GIT2: variants seen among roughly 807,000 people sequenced by gnomAD.
The protein encoded by GIT2 is GIT ArfGAP 2.
A neutral mutation model predicts 100.3 loss-of-function variants in GIT2; 32 were observed. That is an observed-to-expected ratio of 0.32 (90% CI 0.24 to 0.43). The LOEUF is 0.43. Ranked by LOEUF, GIT2 falls within the 20% of genes least tolerant of loss-of-function variation. The pLI is 1.00. For missense variants in GIT2, 737 were observed against 975.1 expected (o/e 0.76, Z 3.25); for synonymous variants, 353 against 364.1 (o/e 0.97, Z 0.35).
At chr12:109,986,412 A>G (rs1367330511) in intron 4 of GIT2, among the ~76,000 whole-genome samples, 3 of 152,158 alleles carry the variant, frequency 2.0e-5, no homozygotes, top group Non-Finnish European at 4.4e-5. Flanking sequence ...CAGGCGGATC[A>G]TGAGGTTAGG....
chr12:109,973,753 AAT>A (rs1317288699), intron 7 of GIT2, among the ~76,000 whole-genome samples: 1 of 151,356 alleles, frequency 6.6e-6, no homozygotes, highest in African/African-American at 2.4e-5. Context: ...TTATATTAAT[AAT>A]TTGAGGCTAG....
At position 109,934,154 on chromosome 12, in the gene GIT2, C is replaced by A; in HGVS notation, c.2004-69G>T. On this transcript the variant is annotated intron_variant, in intron 18 of 19. Coordinates refer to ENST00000355312, the MANE Select transcript of GIT2 (RefSeq NM_057169.5). This position sits in a 1 kb window ranked among gnomAD's most constrained non-coding sequence, Gnocchi z 4.5. ...TTCGGAGGCAAAGAGGACTCAAGTG[C>A]TAGAACAGATTCTGTTTACATTCCC... 1 of 860,510 alleles carries A rather than the reference C, an allele frequency of 1.2e-6. No individual in the cohort carries two copies. The highest frequency in any genetic ancestry group is 2.0e-6 in the Non-Finnish European group (1 of 494,554). The allele number at this position is 860,510 out of a possible 1,614,324, so 53.3% of individuals were successfully genotyped here.
intron 15 of GIT2, among the ~76,000 whole-genome samples, chr12:109,946,718 C>T (rs746390518): frequency 6.6e-6 from 1 of 152,156 alleles, no homozygotes; most frequent in Non-Finnish European, 1.5e-5. Context: ...AGCAGGCACA[C>T]TGAGCACACA....
intron 6 of GIT2, chr12:109,982,564 C>G (rs936713842): frequency 4.0e-5 from 6 of 150,808 alleles, no homozygotes; most frequent in Admixed American, 3.3e-4. Context: ...AAATGATATT[C>G]AAGACTAACC....
At chr12:109,985,994 C>A (rs142819740) in intron 4 of GIT2, among the ~76,000 whole-genome samples, 1 of 151,674 alleles carries the variant, frequency 6.6e-6, no homozygotes, top group East Asian at 2.0e-4. Flanking sequence ...GATTGTGCCA[C>A]GACACTCCAG....
At position 109,945,284 on chromosome 12, in the gene GIT2, C is replaced by T; in HGVS notation, c.1707G>A (p.Trp569Ter). ...SLPSFPSTLS[W>*]SRDESARRAS... is the part of the protein sequence containing the mutation. The stretch of plus-strand genomic sequence containing the variant: ...CCCTTCGGGCGCTTTCGTCCCTCGA[C>T]CAGGAAAGTGTGGAGGGGAAGGAAG... Residue 569 changes from tryptophan (W) to a stop codon, truncating the protein, a stop_gained, in exon 16 of 20, where the codon TGG (tryptophan) becomes TGA (stop). Coordinates refer to ENST00000355312, the MANE Select transcript of GIT2 (RefSeq NM_057169.5). LOFTEE classifies it high-confidence loss of function. 1.3e-6 allele frequency: 2 copies of T among 1,576,162 alleles called. No individual in the cohort carries two copies. The highest frequency in any genetic ancestry group is 1.7e-6 in the Non-Finnish European group (2 of 1,145,724).
At chr12:109,967,559 A>G (rs1856512591) in intron 7 of GIT2, 56 bp from the exon 8 acceptor site, 1 of 1,109,594 alleles carries the variant, frequency 9.0e-7, no homozygotes. Context: ...AAGATCTGTA[A>G]AGGAACATCA....
intron 10 of GIT2, 59 bp from the exon 11 acceptor site, chr12:109,961,434 G>T: frequency 8.9e-7 from 1 of 1,129,704 alleles, no homozygotes; most frequent in Non-Finnish European, 1.4e-6. Flanking sequence ...ACTGCTCCTG[G>T]GAGGCACAGC....
upstream of GIT2, chr12:109,999,193 TACTGG>T: frequency 1.3e-5 from 2 of 153,112 alleles, no homozygotes; most frequent in East Asian, 3.9e-4. The surrounding 1 kb of genome is among the most constrained non-coding windows in gnomAD (Gnocchi z 4.3). Flanking sequence ...CACATGGGGC[TACTGG>T]AGCAGGGGGA....
At position 109,933,114 on chromosome 12, in the gene GIT2, T is replaced by A. The variant is rs758962325; in HGVS notation, c.2144A>T (p.Lys715Met). 8 of 1,611,826 alleles carry A rather than the reference T, an allele frequency of 5.0e-6. No homozygotes were observed. The highest frequency in any genetic ancestry group is 6.8e-6 in the Non-Finnish European group (8 of 1,178,632). The change falls in exon 20 of 20, where the codon AAG becomes ATG. Residue 715 changes from lysine to methionine, a missense_variant. By Grantham distance (95) the Lys-to-Met change is moderately conservative. This residue lies in a region of GIT2 where 451 missense variants were observed against 543.7 expected (regional missense o/e 0.83). Transcript: ENST00000355312. The surrounding 1 kb of genome is among the most constrained non-coding windows in gnomAD (Gnocchi z 4.5). ...SSAYRLQSEC[K>M]KTLPGDPGSP... ...GCCGGGGTCCCCTGGGAGGGTCTTC[T>A]TGCACTCTGACTGCAGTCGGTAGGC...
chr12:109,995,278 G>A (rs933789942), intron 1 of GIT2, among the ~76,000 whole-genome samples: 8 of 152,168 alleles, frequency 5.3e-5, no homozygotes, highest in African/African-American at 1.9e-4. Flanking sequence ...TCATTATGAA[G>A]GAATGGCTTT....
At chr12:109,953,500 G>A in intron 12 of GIT2, 1 of 334,312 alleles carries the variant, frequency 3.0e-6, no homozygotes, top group Non-Finnish European at 5.5e-6. Flanking sequence ...CAGGCCTGTA[G>A]TCCCAGCTAC....
chr12:109,973,420 C>A (rs952938751), intron 7 of GIT2, among the ~76,000 whole-genome samples: 1 of 152,058 alleles, frequency 6.6e-6, no homozygotes, highest in Non-Finnish European at 1.5e-5. Context: ...GGATTACAGG[C>A]ATGAGCCATC....
intron 9 of GIT2, among the ~76,000 whole-genome samples, chr12:109,963,630 C>T (rs935903510): frequency 1.3e-5 from 2 of 152,124 alleles, no homozygotes; most frequent in Admixed American, 6.5e-5. Flanking sequence ...TCAAGGAATA[C>T]ATTAGCCTTT....
rs1476128970 is a variant in GIT2 at position 109,951,243 on chromosome 12, G to C, written c.1316C>G (p.Ala439Gly). The change falls in exon 14 of 20, where the codon GCT becomes GGT. Residue 439 changes from alanine to glycine, a missense_variant. Ala to Gly is a moderately conservative substitution (Grantham distance 60). This residue lies in a region of GIT2 where 451 missense variants were observed against 543.7 expected (regional missense o/e 0.83). Coordinates refer to ENST00000355312, the MANE Select transcript of GIT2 (RefSeq NM_057169.5). Reference sequence around the variant, plus strand: ...TAGCTGCTGTATCTTGGCCTCAGAAGCCACTAGAGCGTTTTTGACCTCCAT... The same window carrying C: ...TAGCTGCTGTATCTTGGCCTCAGAACCCACTAGAGCGTTTTTGACCTCCAT... The part of the protein sequence containing the change: ...EFMEVKNALV[A>G]SEAKIQQLMK... 1 of 1,611,274 alleles carries C rather than the reference G, an allele frequency of 6.2e-7. No individual in the cohort carries two copies. Among genetic ancestry groups the C allele is most frequent in the Non-Finnish European group, 8.5e-7 (1 of 1,177,396 alleles).
chr12:109,974,612 T>A (rs1048712630), intron 7 of GIT2, among the ~76,000 whole-genome samples: 8 of 152,234 alleles, frequency 5.3e-5, no homozygotes, highest in African/African-American at 1.9e-4. Context: ...CTTAATACTA[T>A]TATGGTCTGA....
chr12:109,984,203 G>A (rs773196484), intron 4 of GIT2, among the ~76,000 whole-genome samples: 1 of 151,882 alleles, frequency 6.6e-6, no homozygotes, highest in Non-Finnish European at 1.5e-5. Context: ...TGAGCCCAGG[G>A]GTTTGAGACC....
At chr12:109,992,958 C>G (rs1370894651) in intron 1 of GIT2, among the ~76,000 whole-genome samples, 1 of 151,848 alleles carries the variant, frequency 6.6e-6, no homozygotes, top group Admixed American at 6.6e-5. Flanking sequence ...AGGCTTGAGC[C>G]ACTGTGCCCA....
At chr12:109,984,976 C>T (rs967093394) in intron 4 of GIT2, among the ~76,000 whole-genome samples, 5 of 152,026 alleles carry the variant, frequency 3.3e-5, no homozygotes, top group African/African-American at 7.3e-5. Flanking sequence ...AGGAAAAGGC[C>T]CGTGATATAC....
Sources: gnomAD v4.1 joint callset for allele counts (sites outside exome capture counted in the v4.1 genomes callset) on GRCh38, gnomAD v4.1.1 for gene constraint, gnomAD v4.1.1 regional missense constraint, Gnocchi (gnomAD v3.1) non-coding constraint, MANE v1.5 for transcripts, NCBI Gene and HGNC (gene_info 2026-07-23, HGNC 2026-07-21) for gene names.